The following MBTPS1 variants were observed in gnomAD, a reference collection of about 807,000 sequenced individuals.
The protein encoded by MBTPS1 is membrane-bound transcription factor site-1 protease.
Under a neutral mutation model 127.8 loss-of-function variants are expected in MBTPS1, and 94 were observed. That is an observed-to-expected ratio of 0.74 (90% confidence interval 0.62 to 0.87). MBTPS1 has a LOEUF of 0.87. Ranked by LOEUF, MBTPS1 falls within the 40% of genes least tolerant of loss-of-function variation. The probability of loss-of-function intolerance (pLI) is 0.00; values close to 1 mark genes in which losing one functional copy is unlikely to be tolerated. For synonymous variants in MBTPS1, 632 were observed against 509.4 expected, an observed-to-expected ratio of 1.24 and a Z score of -3.24; for missense variants, 1,636 against 1,353.2, an observed-to-expected ratio of 1.21 and a Z score of -3.28.
At chr16:84,077,350 C>A (rs1380179270) in intron 11 of MBTPS1, among the ~76,000 whole-genome samples, 2 of 151,350 alleles carry the variant, frequency 1.3e-5, no homozygotes, top group Admixed American at 6.6e-5. Flanking sequence ...TTAAAACATG[C>A]TATAAAGTCT....
chr16:84,085,578 C>T (rs1341698832), intron 9 of MBTPS1, among the ~76,000 whole-genome samples: 2 of 101,458 alleles, frequency 2.0e-5, no homozygotes, highest in African/African-American at 3.3e-5. Flanking sequence ...CCCGCCCCCC[C>T]CCCAAAAAAA....
rs2085684627 is a variant in MBTPS1 at position 84,066,467 on chromosome 16, CCCTCAGGAAACAGAG to C, written c.2353+7_2353+21del. The stretch of plus-strand genomic sequence containing the variant: ...TTCTGCTCTCACACCTAAGACCACG[CCCTCAGGAAACAGAG>C]CCTTACTGTCATGGTTGGCCAGGGT... On this transcript the variant is annotated splice_region_variant and intron_variant, in intron 17 of 22. Coordinates refer to ENST00000343411, the MANE Select transcript of MBTPS1 (RefSeq NM_003791.4). 1.2e-6 allele frequency: 2 copies of C among 1,612,270 alleles called. No individual in the cohort carries two copies. The highest frequency in any genetic ancestry group is 1.7e-6 in the Non-Finnish European group (2 of 1,179,112).
intron 9 of MBTPS1, 147 bp from the exon 10 acceptor site, chr16:84,085,281 C>T (rs2086004167): frequency 1.2e-6 from 1 of 837,212 alleles, no homozygotes; most frequent in East Asian, 2.7e-5. Flanking sequence ...CTGAAATTCA[C>T]TCCAGGCCAG....
chr16:84,073,674 A>AT (rs201746255), intron 12 of MBTPS1, among the ~76,000 whole-genome samples: 4,441 of 149,470 alleles, frequency 0.03, 94 homozygotes, highest in African/African-American at 0.04. Flanking sequence ...ACAAAACAAT[A>AT]TTAAAAAAAA....
At chr16:84,103,256 ATTTT>A (rs1345813573) in intron 1 of MBTPS1, among the ~76,000 whole-genome samples, 1 of 137,520 alleles carries the variant, frequency 7.3e-6, no homozygotes. Flanking sequence ...TATTATTATT[ATTTT>A]TTTTTTTTTT....
chr16:84,070,565 G>C, intron 13 of MBTPS1, 23 bp downstream of exon 13: 1 of 1,607,386 alleles, frequency 6.2e-7, no homozygotes, highest in Non-Finnish European at 8.5e-7. Context: ...AAGAAAACAA[G>C]CCACTTTCCC....
At chr16:84,058,943 T>A (rs1180910312) in intron 21 of MBTPS1, among the ~76,000 whole-genome samples, 1 of 152,176 alleles carries the variant, frequency 6.6e-6, no homozygotes, top group East Asian at 1.9e-4. Flanking sequence ...ACTATCTGTA[T>A]CTTATCATCA....
At position 84,091,842 on chromosome 16, in the gene MBTPS1, A is replaced by C; in HGVS notation, c.853T>G (p.Tyr285Asp). 1 of 1,569,734 alleles carries C rather than the reference A, an allele frequency of 6.4e-7. No individual in the cohort carries two copies. The highest frequency in any genetic ancestry group is 1.3e-5 in the African/African-American group (1 of 74,224). The change falls in exon 7 of 23, where the codon TAC becomes GAC. Residue 285 changes from tyrosine to aspartate, a missense_variant. Physicochemically the swap from Tyr to Asp is radical, Grantham distance 160 (BLOSUM62 -3). Transcript: ENST00000343411. ...AAGGCGTCCAAAAACCAAGATGTGTAAGATACCTAGTTAAATATTATAACA... is the reference window on the plus strand; with the variant it reads ...AAGGCGTCCAAAAACCAAGATGTGTCAGATACCTAGTTAAATATTATAACA... Reference protein sequence around the residue: ...FRVFTNNQVSYTSWFLDAFNY... With the variant: ...FRVFTNNQVSDTSWFLDAFNY...
chr16:84,111,678 G>A (rs1466072927), intron 1 of MBTPS1, among the ~76,000 whole-genome samples: 1 of 152,178 alleles, frequency 6.6e-6, no homozygotes, highest in African/African-American at 2.4e-5. Flanking sequence ...CCTCCAGACG[G>A]AGACAACCCT....
chr16:84,087,475 A>C lies in MBTPS1; in HGVS notation c.1032-15T>G. The C allele has an allele frequency of 1.3e-5, 3 of 232,884 alleles. No individual in the cohort carries two copies. Among genetic ancestry groups the C allele is most frequent in the Non-Finnish European group, 1.2e-5 (2 of 165,918 alleles). The allele number at this position is 232,884 out of a possible 1,614,324, so 14.4% of individuals were successfully genotyped here. A position where few individuals can be genotyped will look rare whatever the true frequency, so the allele number is the denominator to read the frequency against. Reference sequence around the variant, plus strand: ...TATTCAGAGTGCTATATTGAGACCAAAAAAAAAAAAAAAGAAAAGAAAAAG... The same window carrying C: ...TATTCAGAGTGCTATATTGAGACCACAAAAAAAAAAAAAGAAAAGAAAAAG... On this transcript the variant is annotated splice_polypyrimidine_tract_variant and intron_variant, in intron 8 of 22. Transcript: ENST00000343411.
chr16:84,070,053 A>G lies in MBTPS1; in HGVS notation c.1783-15T>C, dbSNP rs375200104. The G allele has an allele frequency of 6.4e-7, 1 of 1,555,544 alleles. No individual in the cohort carries two copies. Among genetic ancestry groups the G allele is most frequent in the African/African-American group, 1.4e-5 (1 of 72,072 alleles). On this transcript the variant is annotated splice_polypyrimidine_tract_variant and intron_variant, in intron 13 of 22. Transcript: ENST00000343411. ...CCATTTTTTGACTAAAAAAAAAGAA[A>G]AGAAACTTGAAACGCCCTCATTGTG...
At chr16:84,105,252 G>A (rs1366757139) in intron 1 of MBTPS1, among the ~76,000 whole-genome samples, 10 of 152,122 alleles carry the variant, frequency 6.6e-5, no homozygotes, top group African/African-American at 2.4e-4. Context: ...ATTAGATCAG[G>A]CAATTTTAGA....
At chr16:84,055,344 C>G (rs1272621536) in intron 22 of MBTPS1, among the ~76,000 whole-genome samples, 3 of 152,172 alleles carry the variant, frequency 2.0e-5, no homozygotes, top group African/African-American at 7.2e-5. Flanking sequence ...TTCCTGGAAC[C>G]CAGAGAAACT....
intron 21 of MBTPS1, 188 bp from the exon 22 acceptor site, chr16:84,056,323 G>C (rs1453821110): frequency 5.6e-6 from 3 of 533,564 alleles, no homozygotes; most frequent in Non-Finnish European, 1.0e-5. Context: ...ACGTCCCGAG[G>C]GAGAAAGATC....
chr16:84,095,973 T>A (rs2086174602), intron 3 of MBTPS1, among the ~76,000 whole-genome samples, 168 bp from the exon 4 acceptor site: 2 of 152,186 alleles, frequency 1.3e-5, no homozygotes, highest in Non-Finnish European at 2.9e-5. Flanking sequence ...GCAATTATAA[T>A]TATAGGACGT....
chr16:84,067,673 T>C lies in MBTPS1; in HGVS notation c.2222A>G (p.Asn741Ser). 1.2e-6 allele frequency: 2 copies of C among 1,611,644 alleles called. No homozygotes were observed. The highest frequency in any genetic ancestry group is 1.7e-6 in the Non-Finnish European group (2 of 1,177,960). Residue 741 changes from asparagine (N) to serine (S), a missense_variant, in exon 16 of 23, where the codon AAC becomes AGC. By Grantham distance (46) the Asn-to-Ser change is conservative. Coordinates refer to ENST00000343411, the MANE Select transcript of MBTPS1 (RefSeq NM_003791.4). ...CAATGCGTATCAACAGTACCTTGTG[T>C]TTTCATCATAAAACTTCACTTTTCT... ...VMRKVKFYDE[N>S]TRQWWMPDTG...
At chr16:84,087,856 C>T (rs932178970) in intron 8 of MBTPS1, among the ~76,000 whole-genome samples, 2 of 152,172 alleles carry the variant, frequency 1.3e-5, no homozygotes, top group African/African-American at 4.8e-5. Flanking sequence ...TCAAATTGTT[C>T]CCAGCACATT....
At chr16:84,091,894 T>C (rs1324362209) in intron 6 of MBTPS1, 46 bp from the exon 7 acceptor site, 6 of 1,113,454 alleles carry the variant, frequency 5.4e-6, no homozygotes, top group Non-Finnish European at 6.9e-6. Context: ...AATCAAGTTT[T>C]AAAGTGCTAG....
At position 84,098,093 on chromosome 16, in the gene MBTPS1, T is replaced by C. The variant is rs550667054; in HGVS notation, c.421+960A>G. 2.2e-4 allele frequency among the ~76,000 whole-genome samples: 34 copies of C among 152,280 alleles called. 1 individual carries two copies. The highest frequency in any genetic ancestry group is 8.2e-4 in the African/African-American group (34 of 41,560). ...TTTGGAAAATATCATTTAATAAATATGCAATTTACTATTTGAGACTAAACT... is the reference window on the plus strand; with the variant it reads ...TTTGGAAAATATCATTTAATAAATACGCAATTTACTATTTGAGACTAAACT... On this transcript the variant is annotated intron_variant, in intron 3 of 22. Transcript: ENST00000343411.
Sources: allele counts gnomAD v4.1 joint callset (sites outside exome capture counted in the v4.1 genomes callset), GRCh38; gene constraint gnomAD v4.1.1; transcripts MANE v1.5; gene names NCBI Gene and HGNC (gene_info 2026-07-23, HGNC 2026-07-21).